The following NRCAM variants were observed in gnomAD, a reference collection of about 807,000 sequenced individuals.
NRCAM encodes neuronal cell adhesion molecule.
In NRCAM, 83 loss-of-function variants were observed where a neutral mutation model predicts 156.5. The observed-to-expected ratio is 0.53, with a 90% CI of 0.44 to 0.64. The LOEUF is 0.64. Ranked by LOEUF, NRCAM falls within the 30% of genes least tolerant of loss-of-function variation. The pLI, the probability that NRCAM is intolerant of heterozygous loss-of-function variation, is 0.00. For missense variants in NRCAM, 1,417 were observed against 1,597.3 expected, an observed-to-expected ratio of 0.89 and a Z score of 1.92; for synonymous variants, 538 against 563.9, an observed-to-expected ratio of 0.95 and a Z score of 0.65.
intron 9 of NRCAM, 39 bp from the exon 10 acceptor site, chr7:108,225,740 G>C: frequency 8.0e-7 from 1 of 1,252,604 alleles, no homozygotes; most frequent in Non-Finnish European, 1.2e-6. Flanking sequence ...GCATAAAAGT[G>C]GGGGAGAAGG....
chr7:108,211,477 A>T (rs1400300437), intron 11 of NRCAM, among the ~76,000 whole-genome samples: 2 of 152,176 alleles, frequency 1.3e-5, no homozygotes, highest in Non-Finnish European at 2.9e-5. Context: ...GGAGGTGGAT[A>T]GTCTGGGGCA....
intron 8 of NRCAM, among the ~76,000 whole-genome samples, chr7:108,229,347 T>C (rs1441406143): frequency 2.0e-5 from 3 of 152,190 alleles, no homozygotes; most frequent in Non-Finnish European, 2.9e-5. Context: ...ACTGCAGCCT[T>C]GAACTCCTGA....
rs1392170938 is a variant in NRCAM at position 108,155,501 on chromosome 7, T to C, written c.3677+3962A>G. Among the ~76,000 whole-genome samples the C allele has an allele frequency of 3.3e-5, 5 of 152,172 alleles. No individual in the cohort carries two copies. In the East Asian group the frequency reaches 9.7e-4, roughly 29 times the overall value. On this transcript the variant is annotated intron_variant, in intron 32 of 32. Coordinates refer to ENST00000379028, the MANE Select transcript of NRCAM (RefSeq NM_001037132.4). ...TATCACAATGCTAAAACTGCATGAC[T>C]TCCCCTGGGAAGACTCCCTGTACCA...
Position 108,346,613 on chromosome 7 carries a change from C to G in NRCAM, c.-173-33882G>C, listed in dbSNP as rs557217243. Among the ~76,000 whole-genome samples, 12 of 152,278 alleles carry G rather than the reference C, an allele frequency of 7.9e-5. No individual in the cohort carries two copies. The South Asian group carries it at 2.5e-3, about 32-fold the overall frequency. ...TATTGTAAATAGAGGACAAAAAGTG[C>G]TGGGTTTAATGTCACCTCTTACAGT... On this transcript the variant is annotated intron_variant, in intron 2 of 32. Transcript: ENST00000379028.
At chr7:108,441,084 A>G (rs1331033116) in intron 1 of NRCAM, among the ~76,000 whole-genome samples, 1 of 152,224 alleles carries the variant, frequency 6.6e-6, no homozygotes, top group Non-Finnish European at 1.5e-5. Flanking sequence ...TACCATGGAA[A>G]TAAAACACAA....
chr7:108,392,912 A>G (rs1472113152), intron 2 of NRCAM, among the ~76,000 whole-genome samples: 1 of 152,116 alleles, frequency 6.6e-6, no homozygotes, highest in Non-Finnish European at 1.5e-5. Flanking sequence ...TTGCTGCCTC[A>G]TCATTCCTCT....
chr7:108,182,000 T>C, intron 23 of NRCAM, 63 bp from the exon 24 acceptor site: 1 of 1,247,556 alleles, frequency 8.0e-7, no homozygotes, highest in Non-Finnish European at 1.2e-6. Context: ...TCCATAAATA[T>C]GACTCTCTCT....
intron 24 of NRCAM, among the ~76,000 whole-genome samples, chr7:108,181,186 T>C (rs545787534): frequency 3.0e-5 from 2 of 66,058 alleles, no homozygotes; most frequent in South Asian, 6.5e-4. Context: ...AATCTGGCAA[T>C]GCTAGGGGGA....
chr7:108,387,826 G>T (rs1011177237), intron 2 of NRCAM, among the ~76,000 whole-genome samples: 1 of 151,030 alleles, frequency 6.6e-6, no homozygotes, highest in Non-Finnish European at 1.5e-5. Flanking sequence ...TTCTGTCCTT[G>T]TGATAGTTTG....
At chr7:108,326,544 G>C (rs1214541309) in intron 2 of NRCAM, among the ~76,000 whole-genome samples, 1 of 152,150 alleles carries the variant, frequency 6.6e-6, no homozygotes, top group Admixed American at 6.5e-5. Context: ...AATCAGGAAA[G>C]TCAAGAGAAC....
intron 2 of NRCAM, among the ~76,000 whole-genome samples, chr7:108,353,150 T>C (rs1262534139): frequency 6.6e-6 from 1 of 152,196 alleles, no homozygotes; most frequent in Non-Finnish European, 1.5e-5. Context: ...GTTTCTTGTC[T>C]TGAACATCAT....
At chr7:108,406,983 A>C (rs1380529205) in intron 1 of NRCAM, among the ~76,000 whole-genome samples, 2 of 152,158 alleles carry the variant, frequency 1.3e-5, no homozygotes, top group Non-Finnish European at 2.9e-5. Context: ...GCTGATGTTT[A>C]ATAATATTTA....
At position 108,198,075 on chromosome 7, in the gene NRCAM, T is replaced by C; in HGVS notation, c.1232A>G (p.Lys411Arg). The C allele has an allele frequency of 6.2e-7, 1 of 1,608,360 alleles. No homozygotes were observed. The change falls in exon 14 of 33, where the codon AAA becomes AGA. Residue 411 changes from lysine to arginine, a missense_variant. Coordinates refer to ENST00000379028, the MANE Select transcript of NRCAM (RefSeq NM_001037132.4). ...IEIAPDDPSR[K>R]IDGDTIIFSN... ...AAAAATAATGGTATCGCCATCTATT[T>C]TTCTGCTGGGGTCATCAGGGGCAAC...
chr7:108,169,479 G>A (rs1457602453), intron 28 of NRCAM, among the ~76,000 whole-genome samples: 4 of 152,060 alleles, frequency 2.6e-5, no homozygotes, highest in Non-Finnish European at 4.4e-5. Context: ...AAATGTAGAC[G>A]CTCAAGACCT....
At chr7:108,390,452 T>C (rs1205177431) in intron 2 of NRCAM, among the ~76,000 whole-genome samples, 5 of 152,162 alleles carry the variant, frequency 3.3e-5, no homozygotes, top group Non-Finnish European at 5.9e-5. Flanking sequence ...ATCTATTTGA[T>C]TCTTCTCTCT....
At chr7:108,310,456 GCAGA>G (rs2098787873) in intron 3 of NRCAM, among the ~76,000 whole-genome samples, 1 of 152,154 alleles carries the variant, frequency 6.6e-6, no homozygotes, top group Non-Finnish European at 1.5e-5. Context: ...CTGGATAAGG[GCAGA>G]CAGAGGGCAC....
chr7:108,375,126 A>T (rs1440182495), intron 2 of NRCAM, among the ~76,000 whole-genome samples: 1 of 152,088 alleles, frequency 6.6e-6, no homozygotes, highest in East Asian at 1.9e-4. Context: ...AAGTCCTCTG[A>T]TTTTGACTGA....
rs1311676831 is a variant in NRCAM, at chr7:108,147,758, A to C, written c.*2152T>G. 2 of 152,584 alleles carry C rather than the reference A, an allele frequency of 1.3e-5. No individual in the cohort carries two copies. The highest frequency in any genetic ancestry group is 4.8e-5 in the African/African-American group (2 of 41,446). 9.5% of individuals were successfully genotyped at this position (152,584 alleles called of 1,614,324 possible). ...ACATTCACACTCAATTGGGAACATA[A>C]ATTACAAAAGAGAGAGGAACTTTTA... On this transcript the variant is annotated 3_prime_UTR_variant, in exon 33 of 33. Coordinates refer to ENST00000379028, the MANE Select transcript of NRCAM (RefSeq NM_001037132.4).
Position 108,160,423 on chromosome 7 carries a change from AGAG to A in NRCAM, c.3533_3535del (p.Ala1178_Leu1179delinsVal), listed in dbSNP as rs1222482518. 1 of 1,613,760 alleles carries A rather than the reference AGAG, an allele frequency of 6.2e-7. No homozygotes were observed. Among genetic ancestry groups the A allele is most frequent in the East Asian group, 2.2e-5 (1 of 44,882 alleles). On this transcript the variant is annotated inframe_deletion, in exon 31 of 33. Coordinates refer to ENST00000379028, the MANE Select transcript of NRCAM (RefSeq NM_001037132.4). ...AACAATCAGCAAAATTAAGATAAGGAGAGCAACAGCACACATCAGACCAATGAA... is the reference window on the plus strand; with the variant it reads ...AACAATCAGCAAAATTAAGATAAGGACAACAGCACACATCAGACCAATGAA...
Sources: allele counts gnomAD v4.1 joint callset (sites outside exome capture counted in the v4.1 genomes callset), GRCh38; gene constraint gnomAD v4.1.1; transcripts MANE v1.5; gene names NCBI Gene and HGNC (gene_info 2026-07-23, HGNC 2026-07-21).